Variants in BMPR1B observed in about 807,000 individuals in gnomAD.
BMPR1B encodes bone morphogenetic protein receptor type-1B.
BMPR1B carries 12 observed loss-of-function variants against 59.1 expected under a neutral mutation model. The ratio of observed to expected loss-of-function variants is 0.20; its 90% CI spans 0.13 to 0.33. BMPR1B has a LOEUF of 0.33. Ranked by LOEUF, BMPR1B falls within the 10% of genes least tolerant of loss-of-function variation. The probability of loss-of-function intolerance (pLI) is 1.00; values close to 1 mark genes in which losing one functional copy is unlikely to be tolerated. For synonymous variants in BMPR1B, 237 were observed against 207.3 expected (o/e 1.14, Z -1.23); for missense variants, 550 against 610.9 (o/e 0.90, Z 1.05).
At chr4:94,854,282 G>A (rs1725672253) in intron 1 of BMPR1B, among the ~76,000 whole-genome samples, 1 of 152,146 alleles carries the variant, frequency 6.6e-6, no homozygotes, top group Admixed American at 6.5e-5. Context: ...TTTAAGAAGT[G>A]CATTTTGAAA....
chr4:95,131,521 C>T lies in BMPR1B; in HGVS notation c.1076+9C>T. The T allele has an allele frequency of 6.2e-7, 1 of 1,613,490 alleles. No individual in the cohort carries two copies. Among genetic ancestry groups the T allele is most frequent in the Non-Finnish European group, 8.5e-7 (1 of 1,179,528 alleles). ...GCTGTTAAATTTATTAGGTTAGTAT[C>T]AAAGTGAACAAATACATGTTTTATG... On this transcript the variant is annotated intron_variant, in intron 10 of 12. Coordinates refer to ENST00000515059, the MANE Select transcript of BMPR1B (RefSeq NM_001203.3).
intron 8 of BMPR1B, among the ~76,000 whole-genome samples, chr4:95,129,327 A>C (rs1339926884): frequency 1.3e-5 from 2 of 151,946 alleles, no homozygotes; most frequent in Non-Finnish European, 2.9e-5. Context: ...CTTTGCCCAG[A>C]CGGCAGCTTG....
chr4:95,103,655 A>T (rs1730980500), intron 3 of BMPR1B: 1 of 252,204 alleles, frequency 4.0e-6, no homozygotes, highest in African/African-American at 2.4e-5. Context: ...ATCTAAGGAC[A>T]ACTAACTTGG....
intron 1 of BMPR1B, among the ~76,000 whole-genome samples, chr4:94,844,625 C>T (rs891324176): frequency 1.3e-5 from 2 of 152,026 alleles, no homozygotes; most frequent in African/African-American, 4.8e-5. Context: ...GGATACTGGC[C>T]AGGTCTCTTG....
chr4:94,864,911 A>T (rs1299919663), intron 1 of BMPR1B, among the ~76,000 whole-genome samples: 2 of 152,230 alleles, frequency 1.3e-5, no homozygotes, highest in Non-Finnish European at 2.9e-5. Context: ...AAACATTTTA[A>T]TAGTTTAGTG....
intron 1 of BMPR1B, among the ~76,000 whole-genome samples, chr4:94,840,626 G>A (rs1275899628): frequency 1.2e-4 from 18 of 144,900 alleles, no homozygotes; most frequent in Admixed American, 6.8e-5. Flanking sequence ...GCTCCTTTAA[G>A]CACTTCTTTG....
chr4:94,933,756 G>T (rs1016197422), intron 2 of BMPR1B, among the ~76,000 whole-genome samples: 11 of 152,136 alleles, frequency 7.2e-5, no homozygotes, highest in Admixed American at 6.6e-4. Flanking sequence ...TGTTCTCAGA[G>T]ATATTTGAGA....
intron 3 of BMPR1B, among the ~76,000 whole-genome samples, chr4:95,057,618 T>C (rs1579004727): frequency 6.6e-6 from 1 of 152,098 alleles, no homozygotes; most frequent in Non-Finnish European, 1.5e-5. Flanking sequence ...TGATTGCCAG[T>C]GTAATCCAAA....
intron 2 of BMPR1B, among the ~76,000 whole-genome samples, chr4:94,930,727 C>T (rs940527670): frequency 2.6e-5 from 4 of 152,012 alleles, no homozygotes; most frequent in African/African-American, 9.7e-5. Context: ...GTGGAATGAG[C>T]TATTAAAACT....
intron 2 of BMPR1B, among the ~76,000 whole-genome samples, chr4:94,967,893 G>A (rs1730613837): frequency 6.6e-6 from 1 of 152,076 alleles, no homozygotes. Context: ...AACTATAATA[G>A]CTTAAAATAA....
Position 95,155,611 on chromosome 4 carries a change from T to G in BMPR1B, c.*938T>G, listed in dbSNP as rs1202089081. 3 of 149,548 alleles carry G rather than the reference T, an allele frequency of 2.0e-5. No individual in the cohort carries two copies. Among genetic ancestry groups the G allele is most frequent in the Non-Finnish European group, 4.4e-5 (3 of 67,640 alleles). 9.3% of individuals were successfully genotyped at this position (149,548 alleles called of 1,614,324 possible). ...GTGTTGAAGACAGGGTGCTTTCAAATAGAGGTAATTTGCTCTTGTGTTGTA... is the reference window on the plus strand; with the variant it reads ...GTGTTGAAGACAGGGTGCTTTCAAAGAGAGGTAATTTGCTCTTGTGTTGTA... On this transcript the variant is annotated 3_prime_UTR_variant, in exon 13 of 13. Transcript: ENST00000515059.
chr4:94,969,359 C>T (rs541055351), intron 2 of BMPR1B, among the ~76,000 whole-genome samples: 4 of 152,150 alleles, frequency 2.6e-5, no homozygotes, highest in Admixed American at 6.5e-5. Flanking sequence ...CTAAATGGTC[C>T]GCTGCTTTCC....
intron 1 of BMPR1B, among the ~76,000 whole-genome samples, chr4:94,859,270 T>TA (rs201928882): frequency 2.0e-5 from 3 of 152,118 alleles, no homozygotes; most frequent in Non-Finnish European, 1.5e-5. Flanking sequence ...AATAATTTTT[T>TA]AAAAAAAGAA....
chr4:94,974,316 T>G (rs1443027774), intron 2 of BMPR1B, among the ~76,000 whole-genome samples: 9 of 152,196 alleles, frequency 5.9e-5, no homozygotes, highest in Non-Finnish European at 2.9e-5. Context: ...TAATTTGACT[T>G]ATAACATTTT....
chr4:94,983,916 A>G (rs1054226979), intron 2 of BMPR1B, among the ~76,000 whole-genome samples: 6 of 152,240 alleles, frequency 3.9e-5, no homozygotes, highest in Non-Finnish European at 5.9e-5. Context: ...CAGGCCCATA[A>G]CAGGTACTAA....
At chr4:94,852,883 A>T (rs1192334709) in intron 1 of BMPR1B, among the ~76,000 whole-genome samples, 1 of 152,214 alleles carries the variant, frequency 6.6e-6, no homozygotes, top group Admixed American at 6.5e-5. Flanking sequence ...TTTGGGGGAT[A>T]TGGAGACCAT....
At chr4:94,990,676 TTTGTTGTTGTTG>T (rs34003455) in intron 2 of BMPR1B, among the ~76,000 whole-genome samples, 5 of 149,994 alleles carry the variant, frequency 3.3e-5, no homozygotes, top group African/African-American at 1.2e-4. Flanking sequence ...GGAATGAGGT[TTTGTTGTTGTTG>T]TTGTTGTTGT....
chr4:94,932,719 A>G (rs574585010), intron 2 of BMPR1B, among the ~76,000 whole-genome samples: 15 of 152,274 alleles, frequency 9.9e-5, no homozygotes, highest in African/African-American at 3.4e-4. Flanking sequence ...AGATAAATAG[A>G]CATTACATTA....
At chr4:95,013,209 A>G (rs1265787389) in intron 3 of BMPR1B, among the ~76,000 whole-genome samples, 2 of 151,012 alleles carry the variant, frequency 1.3e-5, no homozygotes, top group African/African-American at 5.0e-5. Context: ...ATGACTATAT[A>G]TCTGTCTAAT....
Sources: allele counts gnomAD v4.1 joint callset (sites outside exome capture counted in the v4.1 genomes callset), GRCh38; gene constraint gnomAD v4.1.1; transcripts MANE v1.5; gene names NCBI Gene and HGNC (gene_info 2026-07-23, HGNC 2026-07-21).